Variants in BANK1 observed in about 807,000 individuals in gnomAD.
The protein encoded by BANK1 is B-cell scaffold protein with ankyrin repeats.
BANK1 carries 95 observed loss-of-function variants against 94.5 expected under a neutral mutation model. That is an observed-to-expected ratio of 1.00 (90% CI 0.85 to 1.19). The LOEUF is 1.19. Among genes scored for constraint, BANK1 ranks in the 50% most tolerant of loss-of-function variants. The pLI, the probability that BANK1 is intolerant of heterozygous loss-of-function variation, is 0.00. For synonymous variants in BANK1, 334 were observed against 308.4 expected, an observed-to-expected ratio of 1.08 and a Z score of -0.87; for missense variants, 987 against 932.2, an observed-to-expected ratio of 1.06 and a Z score of -0.77.
At chr4:101,988,617 G>T (rs370966409) in intron 7 of BANK1, among the ~76,000 whole-genome samples, 2 of 152,184 alleles carry the variant, frequency 1.3e-5, no homozygotes. Flanking sequence ...AGAGGTTACA[G>T]ATAATATGTG....
At chr4:101,920,941 GAGA>G (rs547098855) in intron 7 of BANK1, among the ~76,000 whole-genome samples, 26 of 151,986 alleles carry the variant, frequency 1.7e-4, no homozygotes, top group East Asian at 9.7e-4. Context: ...TGAAGATAAA[GAGA>G]AGAATGAGGA....
chr4:101,888,157 G>A (rs1728923211), intron 5 of BANK1, among the ~76,000 whole-genome samples: 1 of 152,154 alleles, frequency 6.6e-6, no homozygotes, highest in African/African-American at 2.4e-5. Context: ...AAGAAGAAGA[G>A]CAAGGCTGTT....
At chr4:101,953,756 C>T (rs1346729935) in intron 7 of BANK1, among the ~76,000 whole-genome samples, 1 of 151,930 alleles carries the variant, frequency 6.6e-6, no homozygotes, top group East Asian at 1.9e-4. Flanking sequence ...AACTAAAACC[C>T]CACTGAGTCA....
At chr4:101,850,265 G>C (rs1727422799) in intron 2 of BANK1, among the ~76,000 whole-genome samples, 1 of 151,830 alleles carries the variant, frequency 6.6e-6, no homozygotes. Context: ...TTGTTTGTTT[G>C]TTTGGTTGGT....
intron 1 of BANK1, among the ~76,000 whole-genome samples, chr4:101,804,237 A>G (rs1436826446): frequency 2.6e-5 from 4 of 152,142 alleles, no homozygotes; most frequent in African/African-American, 7.2e-5. Flanking sequence ...GTATTAAATC[A>G]TAACTGCATA....
Position 101,825,737 on chromosome 4 carries a change from A to C in BANK1, c.71-4071A>C, listed in dbSNP as rs141586567. 1.2e-4 allele frequency among the ~76,000 whole-genome samples: 19 copies of C among 152,238 alleles called. No homozygotes were observed. The East Asian group carries it at 2.9e-3, about 23-fold the overall frequency. On this transcript the variant is annotated intron_variant, in intron 1 of 16. Coordinates refer to ENST00000322953, the MANE Select transcript of BANK1 (RefSeq NM_017935.5). ...GAGAAAACTAAAGATTAAAATACTG[A>C]AATGATTTCATCTGTAGAGAAGAAA...
intron 5 of BANK1, among the ~76,000 whole-genome samples, chr4:101,888,072 A>G (rs1203822107): frequency 6.6e-6 from 1 of 152,178 alleles, no homozygotes; most frequent in Non-Finnish European, 1.5e-5. Context: ...CATGGCACAC[A>G]TTTAAGAACA....
intron 11 of BANK1, among the ~76,000 whole-genome samples, chr4:102,048,616 A>G (rs1182200596): frequency 6.6e-6 from 1 of 152,142 alleles, no homozygotes; most frequent in Non-Finnish European, 1.5e-5. Flanking sequence ...CAGAGGCAAG[A>G]TTTTCTAAAG....
intron 7 of BANK1, among the ~76,000 whole-genome samples, chr4:101,974,803 A>C (rs1725071466): frequency 6.6e-6 from 1 of 151,942 alleles, no homozygotes; most frequent in Admixed American, 6.6e-5. Flanking sequence ...CAAAAAAAAA[A>C]AAAATTAGCT....
At chr4:101,817,340 A>G (rs558079298) in intron 1 of BANK1, among the ~76,000 whole-genome samples, 2 of 152,316 alleles carry the variant, frequency 1.3e-5, no homozygotes, top group African/African-American at 2.4e-5. Flanking sequence ...ATGGAATTCT[A>G]TGCAGCCATA....
chr4:101,927,022 A>G (rs1723178084), intron 7 of BANK1, among the ~76,000 whole-genome samples: 1 of 151,688 alleles, frequency 6.6e-6, no homozygotes, highest in South Asian at 2.1e-4. Flanking sequence ...ATTTTGGAGA[A>G]AGGCATTAGA....
intron 2 of BANK1, among the ~76,000 whole-genome samples, chr4:101,833,479 A>T (rs768416297): frequency 6.6e-6 from 1 of 152,144 alleles, no homozygotes; most frequent in Non-Finnish European, 1.5e-5. Context: ...ATTTAGCCTC[A>T]CTTTGTCTGC....
At chr4:101,979,977 C>T (rs911322838) in intron 7 of BANK1, among the ~76,000 whole-genome samples, 1 of 151,740 alleles carries the variant, frequency 6.6e-6, no homozygotes, top group Non-Finnish European at 1.5e-5. Context: ...ATTCCTTGCC[C>T]AATTTTGTGG....
At chr4:102,067,197 A>G (rs1020164214) in intron 13 of BANK1, among the ~76,000 whole-genome samples, 3 of 152,132 alleles carry the variant, frequency 2.0e-5, no homozygotes, top group East Asian at 3.8e-4. Context: ...AGATTATTAA[A>G]AAACTATTTG....
At chr4:101,984,378 A>G (rs1204989793) in intron 7 of BANK1, among the ~76,000 whole-genome samples, 1 of 152,048 alleles carries the variant, frequency 6.6e-6, no homozygotes, top group African/African-American at 2.4e-5. Context: ...CTTTATAGAA[A>G]AGATAGCTAG....
At chr4:102,010,396 T>A (rs2148941668) in intron 7 of BANK1, among the ~76,000 whole-genome samples, 1 of 150,740 alleles carries the variant, frequency 6.6e-6, no homozygotes, top group East Asian at 2.0e-4. Context: ...AATTTCTTTT[T>A]TTTTTTTTTT....
chr4:101,792,471 T>TGTGTG lies in BANK1; in HGVS notation c.70+1521_70+1522insGTGTG, dbSNP rs1560576132. 1.5e-3 allele frequency among the ~76,000 whole-genome samples: 72 copies of TGTGTG among 46,882 alleles called. No homozygotes were observed. The East Asian group carries it at 0.019, about 12-fold the overall frequency. The allele number at this position is 46,882 out of a possible 152,430, so 30.8% of individuals were successfully genotyped here. On this transcript the variant is annotated intron_variant, in intron 1 of 16. Coordinates refer to ENST00000322953, the MANE Select transcript of BANK1 (RefSeq NM_017935.5). Reference sequence around the variant, plus strand: ...TGTGTGTGTGTGTGTGTGTGTGTGTTTTTTTTTTTTTAATGAAGAGCTCCC... The same window carrying TGTGTG: ...TGTGTGTGTGTGTGTGTGTGTGTGTTGTGTGTTTTTTTTTTTAATGAAGAGCTCCC...
At chr4:101,957,868 G>A (rs1240656493) in intron 7 of BANK1, among the ~76,000 whole-genome samples, 13 of 139,292 alleles carry the variant, frequency 9.3e-5, no homozygotes, top group South Asian at 2.2e-4. Context: ...TTTTTGAGAC[G>A]GAGTCTCGCT....
At chr4:101,877,347 T>A (rs1249061872) in intron 5 of BANK1, among the ~76,000 whole-genome samples, 1 of 152,162 alleles carries the variant, frequency 6.6e-6, no homozygotes, top group Non-Finnish European at 1.5e-5. Context: ...GTACAAAACT[T>A]ACTAGTAATA....
Sources: gnomAD v4.1 joint callset for allele counts (sites outside exome capture counted in the v4.1 genomes callset) on GRCh38, gnomAD v4.1.1 for gene constraint, MANE v1.5 for transcripts, NCBI Gene and HGNC (gene_info 2026-07-23, HGNC 2026-07-21) for gene names.